The following GPC5 variants were observed in gnomAD, a reference collection of about 807,000 sequenced individuals.
GPC5 encodes the protein glypican-5.
GPC5 carries 47 observed loss-of-function variants against 53.9 expected under a neutral mutation model. The ratio of observed to expected loss-of-function variants is 0.87; its 90% CI spans 0.69 to 1.11. The LOEUF (loss-of-function observed/expected upper bound fraction) is 1.11. Among genes scored for constraint, GPC5 ranks in the 50% most tolerant of loss-of-function variants. GPC5 has a pLI of 0.00. For synonymous variants in GPC5, 286 were observed against 263.3 expected, an observed-to-expected ratio of 1.09 and a Z score of -0.84; for missense variants, 748 against 713.1, an observed-to-expected ratio of 1.05 and a Z score of -0.56.
chr13:91,594,933 G>A (rs2139186625), intron 2 of GPC5, among the ~76,000 whole-genome samples: 1 of 151,854 alleles, frequency 6.6e-6, no homozygotes, highest in East Asian at 1.9e-4. Flanking sequence ...AGCTCCCAAA[G>A]TTCTGGAATT....
At chr13:92,819,225 T>C (rs976072117) in intron 7 of GPC5, among the ~76,000 whole-genome samples, 3 of 152,018 alleles carry the variant, frequency 2.0e-5, no homozygotes, top group African/African-American at 4.8e-5. Flanking sequence ...TTTAAATGCA[T>C]AGGATATTTC....
At chr13:91,686,439 C>T (rs1291765406) in intron 2 of GPC5, among the ~76,000 whole-genome samples, 1 of 151,946 alleles carries the variant, frequency 6.6e-6, no homozygotes, top group Non-Finnish European at 1.5e-5. Context: ...TTCTGCATAA[C>T]ATTTGAAAAT....
At chr13:92,554,387 T>C (rs1434232639) in intron 7 of GPC5, among the ~76,000 whole-genome samples, 6 of 151,730 alleles carry the variant, frequency 4.0e-5, no homozygotes, top group African/African-American at 1.2e-4. Context: ...GAAAACCTAA[T>C]GGTGAAAATT....
chr13:92,221,056 A>T (rs925889567), intron 7 of GPC5, among the ~76,000 whole-genome samples: 2 of 152,076 alleles, frequency 1.3e-5, no homozygotes, highest in African/African-American at 4.8e-5. Flanking sequence ...GATAGAAAAC[A>T]CCCAGCCTTC....
At chr13:92,441,073 T>C (rs1877534743) in intron 7 of GPC5, among the ~76,000 whole-genome samples, 1 of 152,170 alleles carries the variant, frequency 6.6e-6, no homozygotes, top group Non-Finnish European at 1.5e-5. Flanking sequence ...GTCTCATTTA[T>C]CGTTTTTTTT....
intron 6 of GPC5, among the ~76,000 whole-genome samples, chr13:92,089,290 C>T (rs913406531): frequency 3.9e-5 from 6 of 152,080 alleles, no homozygotes; most frequent in African/African-American, 9.7e-5. Flanking sequence ...AAAAATTAGC[C>T]AGGCATTGTG....
At chr13:92,165,167 G>A (rs1297748675) in intron 7 of GPC5, among the ~76,000 whole-genome samples, 1 of 152,130 alleles carries the variant, frequency 6.6e-6, no homozygotes, top group Non-Finnish European at 1.5e-5. Flanking sequence ...CTCATTACTT[G>A]TGCAAATTTC....
chr13:92,741,077 T>C lies in GPC5; in HGVS notation c.1562-125205T>C, dbSNP rs184390598. 8.7e-3 allele frequency among the ~76,000 whole-genome samples: 1,313 copies of C among 150,826 alleles called. 12 individuals carry two copies. Among genetic ancestry groups the C allele is most frequent in the Middle Eastern group, 0.017 (5 of 292 alleles). On this transcript the variant is annotated intron_variant, in intron 7 of 7. Transcript: ENST00000377067. ...AGGCATTCAGTAAAATGTTGGTGCA[T>C]GCTATGGTTTGAATGTGCCCCCCAA...
In GPC5 at chr13:92,457,876, T is replaced by A. The variant is rs1437430251; in HGVS notation, c.1561+312887T>A. Among the ~76,000 whole-genome samples the A allele has an allele frequency of 4.6e-5, 7 of 152,170 alleles. No homozygotes were observed. In the East Asian group the frequency reaches 1.3e-3, roughly 29 times the overall value. On this transcript the variant is annotated intron_variant, in intron 7 of 7. Coordinates refer to ENST00000377067, the MANE Select transcript of GPC5 (RefSeq NM_004466.6). ...AATCTAGAGGAGCATTTTCTTCTGA[T>A]GAAGTGTTGCCTGTCCTTACACTAT...
intron 7 of GPC5, among the ~76,000 whole-genome samples, chr13:92,290,326 T>C (rs1396248849): frequency 1.3e-5 from 2 of 152,190 alleles, no homozygotes; most frequent in African/African-American, 2.4e-5. Context: ...ATTTGACTTA[T>C]ATTTTTATTT....
At chr13:91,600,346 A>AGT (rs2033140826) in intron 2 of GPC5, among the ~76,000 whole-genome samples, 3 of 79,584 alleles carry the variant, frequency 3.8e-5, no homozygotes, top group African/African-American at 1.2e-4. Context: ...AGAGAGAGAG[A>AGT]GAGTGTGTGT....
At chr13:92,428,213 C>T (rs1420729714) in intron 7 of GPC5, among the ~76,000 whole-genome samples, 1 of 152,114 alleles carries the variant, frequency 6.6e-6, no homozygotes, top group African/African-American at 2.4e-5. Flanking sequence ...GGATGTGGCT[C>T]TGCTGATGTC....
intron 5 of GPC5, among the ~76,000 whole-genome samples, chr13:91,832,768 T>C (rs1362579639): frequency 1.3e-5 from 2 of 152,104 alleles, no homozygotes; most frequent in Non-Finnish European, 2.9e-5. Context: ...TTTATAGCAC[T>C]AAATGCCCAC....
intron 5 of GPC5, among the ~76,000 whole-genome samples, chr13:91,838,395 C>A (rs1231180021): frequency 1.3e-5 from 2 of 151,992 alleles, no homozygotes; most frequent in Non-Finnish European, 2.9e-5. Context: ...TTTCATAACA[C>A]CCCTACAGAA....
chr13:92,119,637 G>T lies in GPC5; in HGVS notation c.1402-25193G>T, dbSNP rs2041632204. On this transcript the variant is annotated intron_variant, in intron 6 of 7. Coordinates refer to ENST00000377067, the MANE Select transcript of GPC5 (RefSeq NM_004466.6). The stretch of plus-strand genomic sequence containing the variant: ...GGGTTTCACCATGTTAGCCAGGATG[G>T]TCTCGATCTCCTGACCTCGTGATCC... Among the ~76,000 whole-genome samples, 3 of 138,938 alleles carry T rather than the reference G, an allele frequency of 2.2e-5. No individual in the cohort carries two copies. In the Admixed American group the frequency reaches 2.3e-4, roughly 11 times the overall value. The allele number at this position is 138,938 out of a possible 152,430, so 91.1% of individuals were successfully genotyped here. A position where few individuals can be genotyped will look rare whatever the true frequency, so the allele number is the denominator to read the frequency against.
chr13:91,867,077 T>C (rs1159557622), intron 5 of GPC5, among the ~76,000 whole-genome samples: 1 of 152,144 alleles, frequency 6.6e-6, no homozygotes, highest in Non-Finnish European at 1.5e-5. Context: ...TAGCTGGGCA[T>C]GGTGGCACAT....
intron 5 of GPC5, among the ~76,000 whole-genome samples, chr13:91,767,546 G>A (rs1299588892): frequency 2.0e-5 from 3 of 152,098 alleles, no homozygotes; most frequent in Non-Finnish European, 2.9e-5. Flanking sequence ...TGGGTGACAC[G>A]GCAATTTCAA....
chr13:92,460,736 T>C (rs1352391210), intron 7 of GPC5, among the ~76,000 whole-genome samples: 2 of 152,142 alleles, frequency 1.3e-5, no homozygotes, highest in African/African-American at 2.4e-5. Context: ...TTTAAGGAAA[T>C]GGAGACAGGC....
At chr13:92,340,619 C>A (rs1332812921) in intron 7 of GPC5, 1 of 152,046 alleles carries the variant, frequency 6.6e-6, no homozygotes, top group Non-Finnish European at 1.5e-5. Flanking sequence ...TGGAAACATT[C>A]CCTTAATATT....
Sources: gnomAD v4.1 joint callset for allele counts (sites outside exome capture counted in the v4.1 genomes callset) on GRCh38, gnomAD v4.1.1 for gene constraint, MANE v1.5 for transcripts, NCBI Gene and HGNC (gene_info 2026-07-23, HGNC 2026-07-21) for gene names.